Variants in TMEM117 observed in about 807,000 individuals in gnomAD.
TMEM117 encodes transmembrane protein 117.
In TMEM117, 27 loss-of-function variants were observed where a neutral mutation model predicts 52.4. That is an observed-to-expected ratio of 0.51 (90% CI 0.38 to 0.71). The LOEUF is 0.71. TMEM117 is among the 30% of genes least tolerant of loss of function. The pLI is 0.00. For missense variants in TMEM117, 556 were observed against 630.5 expected, an observed-to-expected ratio of 0.88 and a Z score of 1.26; for synonymous variants, 215 against 206.3, an observed-to-expected ratio of 1.04 and a Z score of -0.36.
chr12:44,204,293 T>C (rs1047167444), intron 4 of TMEM117, among the ~76,000 whole-genome samples: 3 of 152,046 alleles, frequency 2.0e-5, no homozygotes, highest in African/African-American at 7.2e-5. Context: ...GAGAGCCAAA[T>C]TGAGAACACA....
intron 5 of TMEM117, among the ~76,000 whole-genome samples, chr12:44,250,849 C>A (rs964120204): frequency 6.6e-6 from 1 of 151,822 alleles, no homozygotes; most frequent in Non-Finnish European, 1.5e-5. Flanking sequence ...CAGTGTGGGG[C>A]GAGGGGAGGG....
In TMEM117 at chr12:44,376,743, C is replaced by A; in HGVS notation, c.898+19C>A. On this transcript the variant is annotated intron_variant, in intron 7 of 7. Coordinates refer to ENST00000266534, the MANE Select transcript of TMEM117 (RefSeq NM_032256.3). ...ATAACAGGTGTGTTATATCTTTGAA[C>A]ACAATTTGATTATCTTCGTACATTA... The A allele has an allele frequency of 1.3e-6, 2 of 1,579,558 alleles. No homozygotes were observed. Among genetic ancestry groups the A allele is most frequent in the Non-Finnish European group, 1.7e-6 (2 of 1,167,588 alleles).
At chr12:44,090,398 T>TTTTTTTA (rs1555200743) in intron 3 of TMEM117, among the ~76,000 whole-genome samples, 33 of 123,222 alleles carry the variant, frequency 2.7e-4, no homozygotes, top group African/African-American at 1.0e-3. Context: ...TTATCTTACT[T>TTTTTTTA]TTTATTTATT....
intron 2 of TMEM117, among the ~76,000 whole-genome samples, chr12:43,926,294 A>C (rs1944777882): frequency 6.6e-6 from 1 of 152,154 alleles, no homozygotes; most frequent in South Asian, 2.1e-4. Flanking sequence ...GTTCTCCCTT[A>C]TATAAAGTGA....
intron 2 of TMEM117, among the ~76,000 whole-genome samples, chr12:43,915,748 GAAAA>G (rs1246916723): frequency 6.6e-6 from 1 of 151,056 alleles, no homozygotes. Flanking sequence ...AGTGAAGAAA[GAAAA>G]AGAAAGAAAG....
At chr12:44,381,951 G>T (rs1166688988) in intron 7 of TMEM117, among the ~76,000 whole-genome samples, 1 of 152,230 alleles carries the variant, frequency 6.6e-6, no homozygotes, top group South Asian at 2.1e-4. Flanking sequence ...GTTGCATCCT[G>T]TATACAAAGA....
chr12:44,262,965 C>T (rs541499053), intron 5 of TMEM117, among the ~76,000 whole-genome samples: 1 of 152,332 alleles, frequency 6.6e-6, no homozygotes, highest in African/African-American at 2.4e-5. Flanking sequence ...GAAAAATTCT[C>T]ACAACCAGAC....
chr12:44,228,186 G>T (rs549603676), intron 5 of TMEM117, among the ~76,000 whole-genome samples: 2 of 152,046 alleles, frequency 1.3e-5, no homozygotes, highest in South Asian at 4.1e-4. Context: ...TTTAAAGATT[G>T]TTCTGGCTGC....
chr12:43,929,364 A>G (rs1944835448), intron 2 of TMEM117, among the ~76,000 whole-genome samples: 1 of 152,192 alleles, frequency 6.6e-6, no homozygotes, highest in Non-Finnish European at 1.5e-5. Context: ...TTTAGTGATT[A>G]CCCTAAAGAG....
intron 1 of TMEM117, among the ~76,000 whole-genome samples, chr12:43,837,286 G>T (rs914632568): frequency 2.0e-5 from 3 of 152,054 alleles, no homozygotes; most frequent in African/African-American, 7.2e-5. Context: ...TTCATTAAAT[G>T]TGTTTTTCTT....
At chr12:44,243,787 C>G (rs1015405224) in intron 5 of TMEM117, among the ~76,000 whole-genome samples, 3 of 151,774 alleles carry the variant, frequency 2.0e-5, no homozygotes, top group African/African-American at 7.2e-5. Context: ...ATCCACCCCC[C>G]ACCCTCCCAC....
chr12:43,906,425 T>G (rs987304587), intron 2 of TMEM117, among the ~76,000 whole-genome samples: 5 of 150,394 alleles, frequency 3.3e-5, no homozygotes, highest in Non-Finnish European at 7.4e-5. Flanking sequence ...ATTGCACTAC[T>G]GCTCTTCAGC....
intron 2 of TMEM117, among the ~76,000 whole-genome samples, chr12:43,896,759 T>G (rs938187887): frequency 6.6e-5 from 10 of 152,188 alleles, no homozygotes; most frequent in African/African-American, 2.2e-4. Flanking sequence ...TGGATAGGAA[T>G]GTGCACATAA....
chr12:43,923,405 G>C (rs4768055), intron 2 of TMEM117, among the ~76,000 whole-genome samples: 4 of 151,980 alleles, frequency 2.6e-5, no homozygotes, highest in African/African-American at 9.7e-5. Flanking sequence ...GTGGCATCTG[G>C]TCACACATTT....
At chr12:43,988,883 CT>C (rs1945891824) in intron 3 of TMEM117, among the ~76,000 whole-genome samples, 1 of 152,054 alleles carries the variant, frequency 6.6e-6, no homozygotes. Flanking sequence ...GAAACCACTG[CT>C]TTTTAATTAT....
chr12:44,208,738 T>TTTG (rs1161308010), intron 4 of TMEM117, among the ~76,000 whole-genome samples: 3 of 149,616 alleles, frequency 2.0e-5, no homozygotes, highest in Admixed American at 6.7e-5. Context: ...TTTTTTTTTT[T>TTTG]TTTTTTTTTT....
At chr12:44,383,489 C>A (rs1268392325) in intron 7 of TMEM117, among the ~76,000 whole-genome samples, 1 of 151,840 alleles carries the variant, frequency 6.6e-6, no homozygotes, top group Non-Finnish European at 1.5e-5. Context: ...GCCCAAAAAC[C>A]AAAAAAGAGG....
chr12:44,021,131 C>T (rs145380585), intron 3 of TMEM117, among the ~76,000 whole-genome samples: 8 of 152,084 alleles, frequency 5.3e-5, no homozygotes, highest in East Asian at 3.9e-4. Flanking sequence ...ATTTTAGGAT[C>T]GGGGGTACAT....
At chr12:44,089,503 C>T (rs963730746) in intron 3 of TMEM117, among the ~76,000 whole-genome samples, 1 of 152,144 alleles carries the variant, frequency 6.6e-6, no homozygotes, top group Non-Finnish European at 1.5e-5. Flanking sequence ...CACTTGGTCT[C>T]CTCTTCCCAA....
Sources: allele counts gnomAD v4.1 joint callset (sites outside exome capture counted in the v4.1 genomes callset), GRCh38; gene constraint gnomAD v4.1.1; transcripts MANE v1.5; gene names NCBI Gene and HGNC (gene_info 2026-07-23, HGNC 2026-07-21).